Variants in GBF1 observed in about 807,000 individuals in gnomAD.
GBF1 encodes Golgi-specific brefeldin A-resistance guanine nucleotide exchange factor 1.
Under a neutral mutation model 210.5 loss-of-function variants are expected in GBF1, and 114 were observed. That is an observed-to-expected ratio of 0.54 (90% CI 0.47 to 0.63). GBF1 has a LOEUF of 0.63. Ranked by LOEUF, GBF1 falls within the 30% of genes least tolerant of loss-of-function variation. The probability of loss-of-function intolerance (pLI) is 0.00; values close to 1 mark genes in which losing one functional copy is unlikely to be tolerated. For synonymous variants in GBF1, 850 were observed against 889.2 expected, an observed-to-expected ratio of 0.96 and a Z score of 0.78; for missense variants, 1,851 against 2,357.7, an observed-to-expected ratio of 0.79 and a Z score of 4.45.
intron 30 of GBF1, 139 bp from the exon 31 acceptor site, chr10:102,376,133 C>T: frequency 3.0e-6 from 2 of 657,654 alleles, no homozygotes; most frequent in Non-Finnish European, 2.6e-6. Flanking sequence ...CATCCTTTGG[C>T]CCTCTGGTGA....
intron 28 of GBF1, 47 bp downstream of exon 28, chr10:102,370,525 C>T: frequency 6.7e-7 from 1 of 1,482,156 alleles, no homozygotes; most frequent in Non-Finnish European, 9.4e-7. Flanking sequence ...GGGCTTGTGC[C>T]AAAGGGATGG....
chr10:102,373,460 C>T (rs1305992597), intron 29 of GBF1, among the ~76,000 whole-genome samples: 1 of 152,234 alleles, frequency 6.6e-6, no homozygotes, highest in African/African-American at 2.4e-5. Flanking sequence ...CCTGTAGTCT[C>T]ACCTACTGAG....
intron 3 of GBF1, among the ~76,000 whole-genome samples, chr10:102,290,848 G>A (rs1408038087): frequency 4.6e-5 from 7 of 152,206 alleles, no homozygotes; most frequent in Non-Finnish European, 7.3e-5. Context: ...AGTCCCATAA[G>A]TAGAGTGGGT....
intron 3 of GBF1, among the ~76,000 whole-genome samples, chr10:102,285,781 TCC>T (rs1212809856): frequency 6.6e-6 from 1 of 152,170 alleles, no homozygotes; most frequent in Non-Finnish European, 1.5e-5. Context: ...TCTAGCTCTC[TCC>T]GTTTTTTCTA....
At chr10:102,369,800 G>A (rs376289371) in intron 25 of GBF1, 25 bp downstream of exon 25, 3 of 1,614,036 alleles carry the variant, frequency 1.9e-6, no homozygotes, top group African/African-American at 1.3e-5. Context: ...GAGGCTCAGG[G>A]GCTTGGGGAG....
Position 102,258,975 on chromosome 10 carries a change from A to C in GBF1, c.37A>C (p.Ile13Leu), listed in dbSNP as rs762319795. The change falls in exon 2 of 40, where the codon ATT becomes CTT. Residue 13 changes from isoleucine (I) to leucine (L), a missense_variant. By Grantham distance (5) the Ile-to-Leu change is conservative (BLOSUM62 2). Around this residue, in one of 3 missense-constraint regions of GBF1, gnomAD observed 804 missense variants for 958.6 expected, o/e 0.84. Coordinates refer to ENST00000369983, the MANE Select transcript of GBF1 (RefSeq NM_001377137.1). Reference sequence around the variant, plus strand: ...GAATATTTACATCATTCAAGGGGAGATTAACATTGTGGTTGGGGCCATCAA... The same window carrying C: ...GAATATTTACATCATTCAAGGGGAGCTTAACATTGTGGTTGGGGCCATCAA... Reference protein sequence around the residue: ...DKNIYIIQGEINIVVGAIKRN... With the variant: ...DKNIYIIQGELNIVVGAIKRN... 3 of 1,607,858 alleles carry C rather than the reference A, an allele frequency of 1.9e-6. No individual in the cohort carries two copies. The highest frequency in any genetic ancestry group is 1.7e-4 in the Middle Eastern group (1 of 6,050).
intron 3 of GBF1, among the ~76,000 whole-genome samples, chr10:102,330,555 A>G (rs10786664): frequency 0.99 from 150,493 of 151,990 alleles, 74,526 homozygotes; most frequent in East Asian, 1. Context: ...GTGGTAGTAC[A>G]CGCCTGTAAT....
Position 102,353,587 on chromosome 10 carries a change from TTCTA to T in GBF1, c.585-9_585-6del. 2 of 1,580,702 alleles carry T rather than the reference TTCTA, an allele frequency of 1.3e-6. No homozygotes were observed. Among genetic ancestry groups the T allele is most frequent in the Non-Finnish European group, 1.7e-6 (2 of 1,149,564 alleles). ...TATCCCTAATGACAGTTGATGGATTTTCTATCTTATAGGTTACCTCAGTTTAAAG... is the reference window on the plus strand; with the variant it reads ...TATCCCTAATGACAGTTGATGGATTTTCTTATAGGTTACCTCAGTTTAAAG... On this transcript the variant is annotated splice_polypyrimidine_tract_variant and intron_variant, in intron 7 of 39. Coordinates refer to ENST00000369983, the MANE Select transcript of GBF1 (RefSeq NM_001377137.1).
At chr10:102,303,409 T>C (rs1211822868) in intron 3 of GBF1, among the ~76,000 whole-genome samples, 1 of 152,208 alleles carries the variant, frequency 6.6e-6, no homozygotes, top group Non-Finnish European at 1.5e-5. Flanking sequence ...GGCATCCTTG[T>C]CAAAATCAAT....
intron 1 of GBF1, among the ~76,000 whole-genome samples, chr10:102,252,260 C>A (rs2071636546): frequency 6.6e-6 from 1 of 151,570 alleles, no homozygotes; most frequent in Admixed American, 6.6e-5. Flanking sequence ...ATCGCTTAAA[C>A]CTGGGAGGCA....
intron 3 of GBF1, among the ~76,000 whole-genome samples, chr10:102,269,435 G>T (rs2074187331): frequency 6.6e-6 from 1 of 152,260 alleles, no homozygotes; most frequent in South Asian, 2.1e-4. Context: ...TTGCTTCCAG[G>T]TGTCCTGGAA....
At chr10:102,288,723 A>G (rs77237657) in intron 3 of GBF1, among the ~76,000 whole-genome samples, 18 of 82,270 alleles carry the variant, frequency 2.2e-4, no homozygotes, top group African/African-American at 5.8e-4. Context: ...GTCTCAAAGG[A>G]AAAAAAAAAA....
At chr10:102,339,553 G>T (rs2058029462) in intron 3 of GBF1, among the ~76,000 whole-genome samples, 1 of 144,454 alleles carries the variant, frequency 6.9e-6, no homozygotes, top group East Asian at 2.2e-4. Context: ...TGTAGTCCCA[G>T]CTACTCAGGA....
chr10:102,252,845 T>TC (rs1472338674), intron 1 of GBF1, among the ~76,000 whole-genome samples: 4 of 150,196 alleles, frequency 2.7e-5, no homozygotes, highest in African/African-American at 9.8e-5. Flanking sequence ...AGACCCTGTT[T>TC]CAAAAAAAAA....
upstream of GBF1, among the ~76,000 whole-genome samples, chr10:102,240,508 C>A (rs1025802088): frequency 6.6e-6 from 1 of 152,258 alleles, no homozygotes; most frequent in Non-Finnish European, 1.5e-5. Context: ...CGCAGCCGAC[C>A]CCATCGCACA....
intron 3 of GBF1, among the ~76,000 whole-genome samples, chr10:102,299,659 G>A (rs2479545): frequency 0.99 from 150,388 of 152,116 alleles, 74,366 homozygotes; most frequent in East Asian, 1. Flanking sequence ...GCACATGCCT[G>A]TAATCCCAGC....
At chr10:102,302,726 GC>G (rs1554958026) in intron 3 of GBF1, among the ~76,000 whole-genome samples, 2 of 152,110 alleles carry the variant, frequency 1.3e-5, no homozygotes, top group African/African-American at 2.4e-5. Context: ...GGGTGATTTT[GC>G]CCCCCAGAGA....
chr10:102,319,786 T>C (rs2056229378), intron 3 of GBF1, among the ~76,000 whole-genome samples: 2 of 150,490 alleles, frequency 1.3e-5, no homozygotes, highest in African/African-American at 4.9e-5. Flanking sequence ...TGGAGTGCAG[T>C]GATGTGATCT....
Position 102,366,246 on chromosome 10 carries a change from C to T in GBF1, c.2310-137C>T, listed in dbSNP as rs1023829380. Reference sequence around the variant, plus strand: ...GGCTAGGGGTTGTGTTAGGGATGAACAGGAGATACTGCCCCTTTACTAGAG... The same window carrying T: ...GGCTAGGGGTTGTGTTAGGGATGAATAGGAGATACTGCCCCTTTACTAGAG... On this transcript the variant is annotated intron_variant, in intron 18 of 39. Coordinates refer to ENST00000369983, the MANE Select transcript of GBF1 (RefSeq NM_001377137.1). This position sits in a 1 kb window ranked among gnomAD's most constrained non-coding sequence, Gnocchi z 4.0. 1 of 796,908 alleles carries T rather than the reference C, an allele frequency of 1.3e-6. No homozygotes were observed. 49.4% of individuals were successfully genotyped at this position (796,908 alleles called of 1,614,324 possible).
Sources: gnomAD v4.1 joint callset for allele counts (sites outside exome capture counted in the v4.1 genomes callset) on GRCh38, gnomAD v4.1.1 for gene constraint, gnomAD v4.1.1 regional missense constraint, Gnocchi (gnomAD v3.1) non-coding constraint, MANE v1.5 for transcripts, NCBI Gene and HGNC (gene_info 2026-07-23, HGNC 2026-07-21) for gene names.